TRUB1: variants seen among roughly 807,000 people sequenced by gnomAD.
TRUB1 encodes TruB pseudouridine synthase family member 1, also known as pseudouridylate synthase TRUB1.
Under a neutral mutation model 33.9 loss-of-function variants are expected in TRUB1, and 23 were observed. The ratio of observed to expected loss-of-function variants is 0.68; its 90% CI spans 0.49 to 0.96. The LOEUF is 0.96. Ranked by LOEUF, TRUB1 falls within the 40% of genes least tolerant of loss-of-function variation. The pLI is 0.00. For missense variants in TRUB1, 378 were observed against 422.2 expected, an observed-to-expected ratio of 0.90 and a Z score of 0.92; for synonymous variants, 163 against 165.4, an observed-to-expected ratio of 0.99 and a Z score of 0.11.
chr10:114,939,253 A>G (rs1033576699), intron 1 of TRUB1, among the ~76,000 whole-genome samples: 1 of 152,198 alleles, frequency 6.6e-6, no homozygotes, highest in African/African-American at 2.4e-5. Flanking sequence ...CACCCCGTTA[A>G]TCAGCTCGGA....
intron 2 of TRUB1, among the ~76,000 whole-genome samples, chr10:114,948,426 ATATTG>A (rs2084220424): frequency 6.6e-6 from 1 of 152,132 alleles, no homozygotes; most frequent in Non-Finnish European, 1.5e-5. Context: ...TCTCCCTATT[ATATTG>A]TTAAATCACA....
At chr10:114,943,320 A>G (rs2084197017) in intron 2 of TRUB1, among the ~76,000 whole-genome samples, 1 of 152,144 alleles carries the variant, frequency 6.6e-6, no homozygotes, top group African/African-American at 2.4e-5. Flanking sequence ...TCACAAGGTC[A>G]GGAATTCGAG....
At chr10:114,958,329 T>TA in intron 3 of TRUB1, among the ~76,000 whole-genome samples, 1 of 152,190 alleles carries the variant, frequency 6.6e-6, no homozygotes, top group Admixed American at 6.5e-5. Context: ...TATGAAACTT[T>TA]AAAAAAATTA....
chr10:114,973,776 A>G (rs2084347038), intron 6 of TRUB1, among the ~76,000 whole-genome samples: 1 of 152,190 alleles, frequency 6.6e-6, no homozygotes, highest in Admixed American at 6.6e-5. Context: ...CCAAGAGAAC[A>G]TTTAAATAAA....
At chr10:114,946,469 C>G (rs1463217188) in intron 2 of TRUB1, among the ~76,000 whole-genome samples, 10 of 152,000 alleles carry the variant, frequency 6.6e-5, no homozygotes, top group Non-Finnish European at 1.5e-4. Flanking sequence ...AGCCTCCTGA[C>G]TAGCTGGGAT....
At chr10:114,958,036 C>G (rs868854409) in intron 3 of TRUB1, among the ~76,000 whole-genome samples, 1 of 152,162 alleles carries the variant, frequency 6.6e-6, no homozygotes, top group Middle Eastern at 3.2e-3. Context: ...ACTCTAAACT[C>G]TTTGCTTCTT....
chr10:114,952,596 T>G (rs2084242115), intron 3 of TRUB1, among the ~76,000 whole-genome samples: 1 of 152,250 alleles, frequency 6.6e-6, no homozygotes, highest in Non-Finnish European at 1.5e-5. Context: ...ATGTGATGTC[T>G]CATTTTGGTT....
intron 5 of TRUB1, 114 bp from the exon 6 acceptor site, chr10:114,972,021 C>A: frequency 8.5e-7 from 1 of 1,173,926 alleles, no homozygotes; most frequent in Non-Finnish European, 1.2e-6. Flanking sequence ...TGAAGCACTG[C>A]CAGTCATCCT....
chr10:114,974,444 G>C, intron 7 of TRUB1, 59 bp downstream of exon 7: 1 of 1,454,606 alleles, frequency 6.9e-7, no homozygotes, highest in Non-Finnish European at 9.6e-7. Context: ...TTTTCAATTG[G>C]AAGAGGGAAT....
At chr10:114,941,891 TCTC>T (rs2084188879) in intron 1 of TRUB1, among the ~76,000 whole-genome samples, 1 of 151,982 alleles carries the variant, frequency 6.6e-6, no homozygotes, top group African/African-American at 2.4e-5. Context: ...TTCACACCAT[TCTC>T]CTGCCTCAGC....
intron 2 of TRUB1, among the ~76,000 whole-genome samples, chr10:114,948,507 T>C (rs533241743): frequency 6.6e-6 from 1 of 152,340 alleles, no homozygotes; most frequent in African/African-American, 2.4e-5. Flanking sequence ...TTTGAATGAT[T>C]GAAGGGAAAA....
Position 114,938,493 on chromosome 10 carries a change from C to A in TRUB1, c.240C>A (p.Pro80=). The change falls in exon 1 of 8, where the codon CCC becomes CCA. Residue 80 remains proline, a synonymous_variant. Coordinates refer to ENST00000298746, the MANE Select transcript of TRUB1 (RefSeq NM_139169.5). The part of the protein sequence containing the change: ...GVFAVHKPKG[P]TSAELLNRLK... ...TCGCCGTGCACAAGCCCAAAGGGCC[C>A]ACTTCAGCCGAGCTGCTGAATCGGT... 1 of 1,574,144 alleles carries A rather than the reference C, an allele frequency of 6.4e-7. No individual in the cohort carries two copies.
intron 4 of TRUB1, among the ~76,000 whole-genome samples, chr10:114,968,465 G>A (rs76893629): frequency 0.042 from 6,380 of 152,304 alleles, 187 homozygotes; most frequent in African/African-American, 0.071. Flanking sequence ...CATGGTGACA[G>A]CATTGGCTGT....
At chr10:114,945,170 A>G (rs1419159246) in intron 2 of TRUB1, among the ~76,000 whole-genome samples, 3 of 152,244 alleles carry the variant, frequency 2.0e-5, no homozygotes, top group Non-Finnish European at 2.9e-5. Context: ...TCATAGAATT[A>G]GTGAGTGACA....
At chr10:114,975,094 G>A (rs951856703) in intron 7 of TRUB1, 29 bp from the exon 8 acceptor site, 4 of 1,585,324 alleles carry the variant, frequency 2.5e-6, no homozygotes, top group Admixed American at 3.7e-5. Flanking sequence ...TTATCTTCTG[G>A]ATTTTTTTTC....
rs2084168869 is a variant in TRUB1 at position 114,938,316 on chromosome 10, C to T, written c.63C>T (p.Val21=). ...SPSLKTDTSP[V]LETAGTVAAM... ...CTTTGAAAACAGACACATCCCCTGT[C>T]CTTGAAACTGCAGGAACGGTCGCAG... is the stretch of plus-strand genomic sequence containing the variant. Residue 21 remains valine, a synonymous_variant, in exon 1 of 8, where the codon GTC becomes GTT. Coordinates refer to ENST00000298746, the MANE Select transcript of TRUB1 (RefSeq NM_139169.5). 1.9e-6 allele frequency: 3 copies of T among 1,614,160 alleles called. No individual in the cohort carries two copies. Among genetic ancestry groups the T allele is most frequent in the Non-Finnish European group, 2.5e-6 (3 of 1,180,028 alleles).
intron 3 of TRUB1, among the ~76,000 whole-genome samples, chr10:114,957,283 T>C (rs2084265671): frequency 6.6e-6 from 1 of 152,062 alleles, no homozygotes; most frequent in Non-Finnish European, 1.5e-5. Flanking sequence ...GTGATATGTG[T>C]GATATGAGAG....
intron 4 of TRUB1, among the ~76,000 whole-genome samples, chr10:114,963,827 CTG>C (rs2084294672): frequency 6.6e-6 from 1 of 152,110 alleles, no homozygotes; most frequent in African/African-American, 2.4e-5. Context: ...TAGTATGCCA[CTG>C]TGTGAATATA....
intron 3 of TRUB1, among the ~76,000 whole-genome samples, chr10:114,958,770 G>C (rs1158931060): frequency 1.3e-5 from 2 of 152,178 alleles, no homozygotes; most frequent in African/African-American, 4.8e-5. Flanking sequence ...CTTCACTTGT[G>C]AATAAAGATC....
Sources: gnomAD v4.1 joint callset for allele counts (sites outside exome capture counted in the v4.1 genomes callset) on GRCh38, gnomAD v4.1.1 for gene constraint, MANE v1.5 for transcripts, NCBI Gene and HGNC (gene_info 2026-07-23, HGNC 2026-07-21) for gene names.